The following SCAPER variants were observed in gnomAD, a reference collection of about 807,000 sequenced individuals.
The protein encoded by SCAPER is S-phase cyclin A associated protein in the ER.
Under a neutral mutation model 182.2 loss-of-function variants are expected in SCAPER, and 98 were observed. The observed-to-expected ratio is 0.54, with a 90% CI of 0.46 to 0.64. The LOEUF is 0.64. SCAPER is among the 30% of genes least tolerant of loss of function. The probability of loss-of-function intolerance (pLI) is 0.00; values close to 1 mark genes in which losing one functional copy is unlikely to be tolerated. For synonymous variants in SCAPER, 605 were observed against 564.6 expected (o/e 1.07, Z -1.01); for missense variants, 1,432 against 1,690.0 (o/e 0.85, Z 2.68).
chr15:76,422,028 T>C (rs1442482925), intron 26 of SCAPER, among the ~76,000 whole-genome samples: 1 of 152,222 alleles, frequency 6.6e-6, no homozygotes, highest in Non-Finnish European at 1.5e-5. Flanking sequence ...ACTATAGCCT[T>C]GTAGTATAGT....
intron 25 of SCAPER, among the ~76,000 whole-genome samples, chr15:76,467,670 G>A (rs544723397): frequency 2.9e-3 from 445 of 152,236 alleles, no homozygotes; most frequent in African/African-American, 0.01. Flanking sequence ...CTACTAGGTT[G>A]TCTGAGCTAC....
chr15:76,609,508 A>C (rs1469056966), intron 22 of SCAPER, among the ~76,000 whole-genome samples: 1 of 152,166 alleles, frequency 6.6e-6, no homozygotes, highest in Non-Finnish European at 1.5e-5. Flanking sequence ...CTTAAAAAAA[A>C]AATTATCTCC....
chr15:76,825,175 T>G (rs920128191), intron 5 of SCAPER, among the ~76,000 whole-genome samples: 1 of 152,250 alleles, frequency 6.6e-6, no homozygotes, highest in Non-Finnish European at 1.5e-5. Flanking sequence ...TATATGCTTT[T>G]ATTCAGCCTC....
At chr15:76,494,989 T>C (rs920417547) in intron 24 of SCAPER, among the ~76,000 whole-genome samples, 24 of 152,178 alleles carry the variant, frequency 1.6e-4, no homozygotes, top group African/African-American at 5.1e-4. Context: ...TTAAAACCTT[T>C]GGTTTCTTCA....
At chr15:76,411,983 C>T (rs942471715) in intron 26 of SCAPER, among the ~76,000 whole-genome samples, 1 of 152,082 alleles carries the variant, frequency 6.6e-6, no homozygotes, top group Non-Finnish European at 1.5e-5. Flanking sequence ...TCCATGACCG[C>T]AAAGATATAT....
At position 76,560,220 on chromosome 15, in the gene SCAPER, T is replaced by C. The variant is rs78428685; in HGVS notation, c.2838+13938A>G. On this transcript the variant is annotated intron_variant, in intron 23 of 31. Coordinates refer to ENST00000563290, the MANE Select transcript of SCAPER (RefSeq NM_020843.4). ...TCTCTAATCTTGGAAATGGAATTAG[T>C]ACCCTTGTGAAGGAGGTTGAAGGGA... Among the ~76,000 whole-genome samples the C allele has an allele frequency of 2.6e-3, 398 of 152,274 alleles. 2 individuals carry two copies. Among genetic ancestry groups the C allele is most frequent in the African/African-American group, 9.2e-3 (382 of 41,546 alleles).
Position 76,603,336 on chromosome 15 carries a change from C to G in SCAPER, c.2711+18428G>C, listed in dbSNP as rs1159390280. 1.7e-5 allele frequency among the ~76,000 whole-genome samples: 2 copies of G among 120,688 alleles called. 1 individual carries two copies. Among genetic ancestry groups the G allele is most frequent in the African/African-American group, 5.1e-5 (2 of 39,596 alleles). The allele number at this position is 120,688 out of a possible 152,430, so 79.2% of individuals were successfully genotyped here. On this transcript the variant is annotated intron_variant, in intron 22 of 31. Transcript: ENST00000563290. Reference sequence around the variant, plus strand: ...TGAGAATGATGATTTCCAATTTCATCCATGTCCCTACAAAGGACATGAACT... The same window carrying G: ...TGAGAATGATGATTTCCAATTTCATGCATGTCCCTACAAAGGACATGAACT...
intron 24 of SCAPER, among the ~76,000 whole-genome samples, chr15:76,492,406 A>G (rs1311076797): frequency 6.6e-6 from 1 of 152,210 alleles, no homozygotes; most frequent in East Asian, 1.9e-4. Context: ...TTATGAATTT[A>G]TTTATTGTGG....
intron 17 of SCAPER, among the ~76,000 whole-genome samples, chr15:76,712,922 C>T (rs2150891130): frequency 6.6e-6 from 1 of 152,016 alleles, no homozygotes; most frequent in East Asian, 1.9e-4. Context: ...TAATTGAATG[C>T]CCTTTATTTC....
chr15:76,360,744 T>C (rs577299695), intron 29 of SCAPER, among the ~76,000 whole-genome samples: 5 of 152,216 alleles, frequency 3.3e-5, no homozygotes, highest in African/African-American at 9.6e-5. Flanking sequence ...TTCTTGGTTA[T>C]GTGCTGGCTG....
intron 15 of SCAPER, among the ~76,000 whole-genome samples, chr15:76,736,262 T>TATA (rs1440035550): frequency 3.3e-5 from 5 of 152,250 alleles, no homozygotes; most frequent in Non-Finnish European, 5.9e-5. Flanking sequence ...ATTAGCAAGT[T>TATA]ATAATCTTTT....
At chr15:76,367,134 C>T (rs1324505357) in intron 29 of SCAPER, among the ~76,000 whole-genome samples, 1 of 152,170 alleles carries the variant, frequency 6.6e-6, no homozygotes, top group Non-Finnish European at 1.5e-5. Flanking sequence ...TCAGAGCACC[C>T]AGGCTAACTC....
At chr15:76,751,881 G>A (rs1598512353) in intron 15 of SCAPER, among the ~76,000 whole-genome samples, 1 of 151,706 alleles carries the variant, frequency 6.6e-6, no homozygotes, top group African/African-American at 2.4e-5. Flanking sequence ...AGACAAATTG[G>A]ACTTTGTGAA....
rs546827493 is a variant in SCAPER at position 76,478,691 on chromosome 15, C to T, written c.2955-7356G>A. Among the ~76,000 whole-genome samples, 9 of 152,224 alleles carry T rather than the reference C, an allele frequency of 5.9e-5. No individual in the cohort carries two copies. In the South Asian group the frequency reaches 1.9e-3, roughly 32 times the overall value. ...AGGTATTAAATAAACCCTCCTTTCT[C>T]CACTGGTTTGAAATGCCATCTTTAT... On this transcript the variant is annotated intron_variant, in intron 24 of 31. Coordinates refer to ENST00000563290, the MANE Select transcript of SCAPER (RefSeq NM_020843.4).
At chr15:76,623,188 A>G (rs1471978608) in intron 21 of SCAPER, among the ~76,000 whole-genome samples, 1 of 152,154 alleles carries the variant, frequency 6.6e-6, no homozygotes, top group African/African-American at 2.4e-5. Context: ...ACTTTCTCCC[A>G]TTCTGTAGGT....
chr15:76,847,488 T>C (rs1198673851), intron 4 of SCAPER, among the ~76,000 whole-genome samples: 2 of 152,208 alleles, frequency 1.3e-5, no homozygotes, highest in African/African-American at 4.8e-5. Flanking sequence ...TAGATTATAA[T>C]ACAAAGGATA....
chr15:76,792,425 G>A (rs2065059868), intron 8 of SCAPER, among the ~76,000 whole-genome samples: 1 of 152,166 alleles, frequency 6.6e-6, no homozygotes, highest in African/African-American at 2.4e-5. Flanking sequence ...AAAGATGGGT[G>A]CCATCAATTT....
At chr15:76,834,791 G>A (rs2068791247) in intron 5 of SCAPER, among the ~76,000 whole-genome samples, 1 of 151,996 alleles carries the variant, frequency 6.6e-6, no homozygotes, top group Non-Finnish European at 1.5e-5. Flanking sequence ...ATACCAACTG[G>A]AAAACCTAAA....
chr15:76,699,442 T>C (rs1409258230), intron 20 of SCAPER, among the ~76,000 whole-genome samples: 4 of 152,168 alleles, frequency 2.6e-5, no homozygotes, highest in Admixed American at 6.5e-5. Context: ...GTTCCTTCAA[T>C]TCTTAGTTTG....
Sources: gnomAD v4.1 joint callset for allele counts (sites outside exome capture counted in the v4.1 genomes callset) on GRCh38, gnomAD v4.1.1 for gene constraint, MANE v1.5 for transcripts, NCBI Gene and HGNC (gene_info 2026-07-23, HGNC 2026-07-21) for gene names.